The following TRPM6 variants were observed in gnomAD, a reference collection of about 807,000 sequenced individuals.
The protein encoded by TRPM6 is transient receptor potential cation channel subfamily M member 6.
Under a neutral mutation model 247.6 loss-of-function variants are expected in TRPM6, and 111 were observed. The observed-to-expected ratio is 0.45, with a 90% CI of 0.38 to 0.52. The LOEUF (loss-of-function observed/expected upper bound fraction) is 0.52. Ranked by LOEUF, TRPM6 falls within the 20% of genes least tolerant of loss-of-function variation. The pLI, the probability that TRPM6 is intolerant of heterozygous loss-of-function variation, is 0.00. For missense variants in TRPM6, 2,126 were observed against 2,421.5 expected (o/e 0.88, Z 2.56); for synonymous variants, 892 against 853.8 (o/e 1.04, Z -0.78).
intron 38 of TRPM6, among the ~76,000 whole-genome samples, chr9:74,726,669 T>C (rs1319328396): frequency 6.6e-6 from 1 of 152,168 alleles, no homozygotes; most frequent in Non-Finnish European, 1.5e-5. Context: ...GTAGTACTTG[T>C]GTCTTCAAGA....
intron 27 of TRPM6, among the ~76,000 whole-genome samples, chr9:74,760,930 C>T (rs771244726): frequency 2.0e-5 from 3 of 152,148 alleles, no homozygotes; most frequent in Non-Finnish European, 4.4e-5. Context: ...TCAGGAGCCT[C>T]CCTTGCCATG....
intron 37 of TRPM6, among the ~76,000 whole-genome samples, chr9:74,731,772 A>G (rs1047947828): frequency 1.3e-5 from 2 of 151,400 alleles, no homozygotes; most frequent in Non-Finnish European, 2.9e-5. Context: ...TATGACAATT[A>G]AGAAGTAAAA....
At chr9:74,841,745 T>C (rs1829944998) in intron 4 of TRPM6, among the ~76,000 whole-genome samples, 1 of 152,158 alleles carries the variant, frequency 6.6e-6, no homozygotes, top group Non-Finnish European at 1.5e-5. Context: ...CCTCAGGTGA[T>C]CCACCTGCCT....
At chr9:74,845,973 A>G (rs1047057611) in intron 3 of TRPM6, among the ~76,000 whole-genome samples, 4 of 152,234 alleles carry the variant, frequency 2.6e-5, no homozygotes, top group Non-Finnish European at 2.9e-5. Context: ...GGGATGGATG[A>G]TTTAAAAAAA....
rs548733031 is a variant in TRPM6 at position 74,768,554 on chromosome 9, G to A, written c.3536+3149C>T. Among the ~76,000 whole-genome samples the A allele has an allele frequency of 5.9e-5, 9 of 152,198 alleles. No individual in the cohort carries two copies. In the East Asian group the frequency reaches 1.5e-3, roughly 26 times the overall value. ...ACACCTCCTGTGCCTTCTTTATTTC[G>A]GTGGTGCCACCTTTCACCTGATTAC... is the stretch of plus-strand genomic sequence containing the variant. On this transcript the variant is annotated intron_variant, in intron 25 of 38. Coordinates refer to ENST00000360774, the MANE Select transcript of TRPM6 (RefSeq NM_017662.5).
intron 27 of TRPM6, among the ~76,000 whole-genome samples, chr9:74,760,739 TA>T (rs1326098589): frequency 6.6e-6 from 1 of 152,204 alleles, no homozygotes; most frequent in Non-Finnish European, 1.5e-5. Flanking sequence ...AAACTCATGT[TA>T]AAACTTAATT....
intron 24 of TRPM6, among the ~76,000 whole-genome samples, chr9:74,774,241 C>A (rs1175238556): frequency 2.0e-5 from 3 of 152,016 alleles, no homozygotes; most frequent in Non-Finnish European, 4.4e-5. Context: ...CAAGGTGAAC[C>A]CAGGAAACGT....
intron 17 of TRPM6, among the ~76,000 whole-genome samples, chr9:74,798,410 G>A (rs564007868): frequency 7.0e-4 from 106 of 152,088 alleles, no homozygotes; most frequent in African/African-American, 2.1e-3. Flanking sequence ...CCCAAAATAC[G>A]TGCAATCTTC....
chr9:74,853,518 A>C (rs1830428764), intron 3 of TRPM6, among the ~76,000 whole-genome samples: 1 of 152,212 alleles, frequency 6.6e-6, no homozygotes, highest in African/African-American at 2.4e-5. Context: ...TACTAAGAAA[A>C]ATTCTTCTGC....
intron 15 of TRPM6, among the ~76,000 whole-genome samples, chr9:74,803,364 G>C (rs910147068): frequency 6.6e-6 from 1 of 151,692 alleles, no homozygotes; most frequent in Non-Finnish European, 1.5e-5. Flanking sequence ...ATAATTTCAA[G>C]AAAGCCTCAA....
At chr9:74,830,181 C>G (rs1460050212) in intron 6 of TRPM6, among the ~76,000 whole-genome samples, 1 of 151,738 alleles carries the variant, frequency 6.6e-6, no homozygotes, top group African/African-American at 2.4e-5. Flanking sequence ...TCTAAAATCC[C>G]TGCTTGAAAA....
At chr9:74,841,088 C>T (rs1829922649) in intron 4 of TRPM6, among the ~76,000 whole-genome samples, 1 of 151,916 alleles carries the variant, frequency 6.6e-6, no homozygotes, top group African/African-American at 2.4e-5. Flanking sequence ...TAAATTTTAC[C>T]TTCTAACCAT....
chr9:74,785,790 T>C, intron 21 of TRPM6, 84 bp downstream of exon 21: 1 of 1,522,906 alleles, frequency 6.6e-7, no homozygotes, highest in Non-Finnish European at 9.1e-7. Flanking sequence ...CCCAAAGTGC[T>C]GGGATTACAG....
At chr9:74,743,627 CCT>C in intron 32 of TRPM6, among the ~76,000 whole-genome samples, 1 of 152,098 alleles carries the variant, frequency 6.6e-6, no homozygotes, top group East Asian at 1.9e-4. Context: ...GAGTCAAGAC[CCT>C]TGACATCTTT....
intron 3 of TRPM6, among the ~76,000 whole-genome samples, chr9:74,854,594 C>T (rs1564051871): frequency 1.3e-5 from 2 of 152,172 alleles, no homozygotes. Context: ...TCCTTCTTCT[C>T]GTTCCATATC....
At chr9:74,852,411 G>GCTCCCGCTCCCT (rs534403460) in intron 3 of TRPM6, among the ~76,000 whole-genome samples, 10 of 148,698 alleles carry the variant, frequency 6.7e-5, no homozygotes, top group Non-Finnish European at 1.0e-4. Context: ...AAAGTGTCCC[G>GCTCCCGCTCCCT]CTCCCGCTCC....
intron 29 of TRPM6, 61 bp downstream of exon 29, chr9:74,752,216 T>C (rs1446659101): frequency 1.2e-5 from 11 of 914,716 alleles, no homozygotes; most frequent in Non-Finnish European, 1.9e-5. Context: ...AAAATGGGCG[T>C]AGTCAAGAGT....
chr9:74,750,016 A>G (rs1204255006), intron 30 of TRPM6, among the ~76,000 whole-genome samples: 1 of 152,228 alleles, frequency 6.6e-6, no homozygotes, highest in Non-Finnish European at 1.5e-5. Context: ...AATACTACAA[A>G]TAAAATAGAA....
At position 74,760,485 on chromosome 9, in the gene TRPM6, T is replaced by C. The variant is rs563994405; in HGVS notation, c.4785+1211A>G. On this transcript the variant is annotated intron_variant, in intron 27 of 38. Transcript: ENST00000360774. ...TTTGTGTAAGTACATTCCATGATGT[T>C]TGTGCCATGATGAAATCACCTAATG... Among the ~76,000 whole-genome samples, 4 of 152,272 alleles carry C rather than the reference T, an allele frequency of 2.6e-5. No individual in the cohort carries two copies. The South Asian group carries it at 8.3e-4, about 32-fold the overall frequency.
Sources: gnomAD v4.1 joint callset for allele counts (sites outside exome capture counted in the v4.1 genomes callset) on GRCh38, gnomAD v4.1.1 for gene constraint, MANE v1.5 for transcripts, NCBI Gene and HGNC (gene_info 2026-07-23, HGNC 2026-07-21) for gene names.